The following CACNA2D3 variants were observed in gnomAD, a reference collection of about 807,000 sequenced individuals.
The protein encoded by CACNA2D3 is calcium voltage-gated channel auxiliary subunit alpha2delta 3.
In CACNA2D3, 60 loss-of-function variants were observed where a neutral mutation model predicts 160.6. The ratio of observed to expected loss-of-function variants is 0.37; its 90% confidence interval spans 0.30 to 0.46. The LOEUF is 0.46. CACNA2D3 is among the 20% of genes least tolerant of loss of function. The pLI is 1.00. For synonymous variants in CACNA2D3, 558 were observed against 492.9 expected, an observed-to-expected ratio of 1.13 and a Z score of -1.75; for missense variants, 1,205 against 1,365.0, an observed-to-expected ratio of 0.88 and a Z score of 1.85.
intron 35 of CACNA2D3, among the ~76,000 whole-genome samples, chr3:55,022,673 CT>C (rs1274885517): frequency 7.7e-6 from 1 of 129,068 alleles, no homozygotes; most frequent in African/African-American, 2.8e-5. Flanking sequence ...TTCTTCGTTT[CT>C]TTCCCTTCCA....
At chr3:54,392,956 G>A (rs968901855) in intron 4 of CACNA2D3, among the ~76,000 whole-genome samples, 5 of 152,192 alleles carry the variant, frequency 3.3e-5, no homozygotes. Context: ...AGCCCTTAGT[G>A]CTTGTCCCCC....
At chr3:54,423,265 G>T (rs920854599) in intron 4 of CACNA2D3, among the ~76,000 whole-genome samples, 1 of 152,114 alleles carries the variant, frequency 6.6e-6, no homozygotes, top group South Asian at 2.1e-4. Context: ...TTATTTGGGG[G>T]TAATCAAAAT....
intron 13 of CACNA2D3, among the ~76,000 whole-genome samples, chr3:54,810,822 A>T (rs956105621): frequency 6.6e-6 from 1 of 152,182 alleles, no homozygotes; most frequent in Non-Finnish European, 1.5e-5. Flanking sequence ...TCTGTGTGAA[A>T]CTCTGAGGTA....
intron 13 of CACNA2D3, among the ~76,000 whole-genome samples, chr3:54,765,579 T>G (rs997190836): frequency 2.0e-5 from 3 of 152,244 alleles, no homozygotes; most frequent in African/African-American, 7.2e-5. Context: ...TTGTATGTTG[T>G]TGGGTAAGGC....
At chr3:54,592,418 G>A (rs563879443) in intron 9 of CACNA2D3, among the ~76,000 whole-genome samples, 52 of 152,248 alleles carry the variant, frequency 3.4e-4, no homozygotes, top group African/African-American at 1.2e-3. Flanking sequence ...TCTGGAGAGA[G>A]TTTTGCTTTG....
intron 11 of CACNA2D3, among the ~76,000 whole-genome samples, chr3:54,741,045 A>C (rs1254381548): frequency 6.6e-6 from 1 of 152,150 alleles, no homozygotes; most frequent in African/African-American, 2.4e-5. Flanking sequence ...AGCTGTGCCC[A>C]AGGCCAAGTG....
intron 11 of CACNA2D3, among the ~76,000 whole-genome samples, chr3:54,741,611 A>G (rs1420054188): frequency 1.3e-5 from 2 of 151,920 alleles, no homozygotes; most frequent in Non-Finnish European, 2.9e-5. Context: ...TAAAAAAAAA[A>G]AAGACTGTTA....
intron 11 of CACNA2D3, among the ~76,000 whole-genome samples, chr3:54,659,766 T>A (rs568923496): frequency 1.3e-5 from 2 of 152,334 alleles, no homozygotes; most frequent in Non-Finnish European, 2.9e-5. Context: ...TGGTGATGAT[T>A]GCTGTCATTT....
chr3:54,883,344 T>A (rs1330020401), intron 21 of CACNA2D3, among the ~76,000 whole-genome samples: 1 of 152,168 alleles, frequency 6.6e-6, no homozygotes, highest in Non-Finnish European at 1.5e-5. Context: ...TTATATGTAT[T>A]GCACATGATA....
chr3:54,163,580 G>A (rs374115724), intron 2 of CACNA2D3, among the ~76,000 whole-genome samples: 17 of 152,314 alleles, frequency 1.1e-4, no homozygotes, highest in African/African-American at 3.1e-4. Context: ...TGATAGCAGC[G>A]GAGTGGGGGT....
chr3:54,865,058 G>A (rs185391871), intron 17 of CACNA2D3, among the ~76,000 whole-genome samples: 1 of 152,170 alleles, frequency 6.6e-6, no homozygotes, highest in South Asian at 2.1e-4. Flanking sequence ...GCCCAGTGGG[G>A]GAATAATCGC....
intron 11 of CACNA2D3, among the ~76,000 whole-genome samples, chr3:54,684,410 T>C (rs1323102116): frequency 6.6e-6 from 1 of 152,192 alleles, no homozygotes; most frequent in Non-Finnish European, 1.5e-5. Flanking sequence ...ACATATCTTT[T>C]TGGGAGACAC....
At position 54,215,225 on chromosome 3, in the gene CACNA2D3, T is replaced by A. The variant is rs189310162; in HGVS notation, c.204+91631T>A. On this transcript the variant is annotated intron_variant, in intron 2 of 37. Coordinates refer to ENST00000474759, the MANE Select transcript of CACNA2D3 (RefSeq NM_018398.3). ...TTAAGGTATAATTTACAAAATTGTA[T>A]ATATTTATGGTACACAATGTGATGT... is the stretch of plus-strand genomic sequence containing the variant. Among the ~76,000 whole-genome samples the A allele has an allele frequency of 2.3e-3, 343 of 152,338 alleles. 2 individuals are homozygous for A. Among genetic ancestry groups the A allele is most frequent in the African/African-American group, 7.3e-3 (303 of 41,566 alleles).
intron 9 of CACNA2D3, among the ~76,000 whole-genome samples, chr3:54,610,163 C>T (rs1698719426): frequency 6.6e-6 from 1 of 152,098 alleles, no homozygotes; most frequent in Non-Finnish European, 1.5e-5. Flanking sequence ...ATCCCAGTGA[C>T]CTCATATTAA....
At position 54,434,948 on chromosome 3, in the gene CACNA2D3, G is replaced by T. The variant is rs960078349; in HGVS notation, c.381+48174G>T. On this transcript the variant is annotated intron_variant, in intron 4 of 37. Coordinates refer to ENST00000474759, the MANE Select transcript of CACNA2D3 (RefSeq NM_018398.3). ...AGAGACCCACTAATCCCTGGGCTAG[G>T]TTGGAAATCCCCAGGCCAGGTTTCA... 2.6e-5 allele frequency among the ~76,000 whole-genome samples: 4 copies of T among 152,270 alleles called. No homozygotes were observed. In the East Asian group the frequency reaches 7.7e-4, roughly 29 times the overall value.
At chr3:54,638,008 C>A (rs1044049675) in intron 10 of CACNA2D3, 1 of 152,008 alleles carries the variant, frequency 6.6e-6, no homozygotes, top group African/African-American at 2.4e-5. Context: ...TTTGGAAGTT[C>A]TTGTGTGCTG....
chr3:54,413,819 G>A (rs944516148), intron 4 of CACNA2D3, among the ~76,000 whole-genome samples: 1 of 149,226 alleles, frequency 6.7e-6, no homozygotes, highest in Non-Finnish European at 1.5e-5. Context: ...TTAAGTCTTT[G>A]AATATACTGA....
intron 31 of CACNA2D3, among the ~76,000 whole-genome samples, chr3:54,992,907 A>G (rs1702774235): frequency 6.6e-6 from 1 of 152,168 alleles, no homozygotes; most frequent in Admixed American, 6.5e-5. Flanking sequence ...GAGACTTACA[A>G]CCATCACGGA....
chr3:54,225,658 C>G (rs1437458357), intron 2 of CACNA2D3, among the ~76,000 whole-genome samples: 1 of 152,174 alleles, frequency 6.6e-6, no homozygotes, highest in East Asian at 1.9e-4. Flanking sequence ...TTCTTACAGA[C>G]AACAATTATT....
Sources: gnomAD v4.1 joint callset for allele counts (sites outside exome capture counted in the v4.1 genomes callset) on GRCh38, gnomAD v4.1.1 for gene constraint, MANE v1.5 for transcripts, NCBI Gene and HGNC (gene_info 2026-07-23, HGNC 2026-07-21) for gene names.